The following TGFBRAP1 variants were observed in gnomAD, a reference collection of about 807,000 sequenced individuals.
The protein encoded by TGFBRAP1 is transforming growth factor beta receptor associated protein 1, also known as transforming growth factor-beta receptor-associated protein 1.
In TGFBRAP1, 20 loss-of-function variants were observed where a neutral mutation model predicts 83.2. The ratio of observed to expected loss-of-function variants is 0.24; its 90% CI spans 0.17 to 0.35. The LOEUF (loss-of-function observed/expected upper bound fraction) is 0.35, where lower values mean the gene tolerates loss of function less well. Ranked by LOEUF, TGFBRAP1 falls within the 10% of genes least tolerant of loss-of-function variation. The probability of loss-of-function intolerance (pLI) is 1.00; values close to 1 mark genes in which losing one functional copy is unlikely to be tolerated. For missense variants in TGFBRAP1, 950 were observed against 1,099.4 expected (o/e 0.86, Z 1.92); for synonymous variants, 415 against 459.8 (o/e 0.90, Z 1.25).
At chr2:105,275,758 G>T in intron 7 of TGFBRAP1, 55 bp from the exon 8 acceptor site, 1 of 1,538,004 alleles carries the variant, frequency 6.5e-7, no homozygotes, top group Non-Finnish European at 8.8e-7. Context: ...CAATCATAAA[G>T]GCACATATCT....
chr2:105,252,847 G>A, the TGFBRAP1 span, among the ~76,000 whole-genome samples: 3 of 140,260 alleles, frequency 2.1e-5, no homozygotes, highest in African/African-American at 8.0e-5. Context: ...CCACCTCCCA[G>A]CTTCACGCCA....
intron 1 of TGFBRAP1, among the ~76,000 whole-genome samples, chr2:105,329,019 TGCTAAAAACAGGGGC>T (rs1255724056): frequency 6.6e-6 from 1 of 152,016 alleles, no homozygotes; most frequent in Non-Finnish European, 1.5e-5. Context: ...CTTGACCTGG[TGCTAAAAACAGGGGC>T]CAGGAAGCCC....
Position 105,269,181 on chromosome 2 carries a change from AAACC to A in TGFBRAP1, c.2406+87_2406+90del, listed in dbSNP as rs1677055672. The A allele has an allele frequency of 2.1e-6, 3 of 1,422,006 alleles. No homozygotes were observed. The highest frequency in any genetic ancestry group is 2.8e-6 in the Non-Finnish European group (3 of 1,076,996). 88.1% of individuals were successfully genotyped at this position (1,422,006 alleles called of 1,614,324 possible). A position where few individuals can be genotyped will look rare whatever the true frequency, so the allele number is the denominator to read the frequency against. ...GTAGTCATAGAGACAGAAAAAAGAA[AAACC>A]AACAAAGACTATTTTTCCATCAGTA... On this transcript the variant is annotated intron_variant, in intron 11 of 11. Coordinates refer to ENST00000393359, the MANE Select transcript of TGFBRAP1 (RefSeq NM_004257.6). This position sits in a 1 kb window ranked among gnomAD's most constrained non-coding sequence, Gnocchi z 4.1.
chr2:105,266,103 A>G lies in TGFBRAP1; in HGVS notation c.*1280T>C, dbSNP rs1676922510. ...AGGGCAGTGAAGTGACAACAGCTTC[A>G]GCTCGTCATCGATGTTATACAGAAA... On this transcript the variant is annotated 3_prime_UTR_variant, in exon 12 of 12. Coordinates refer to ENST00000393359, the MANE Select transcript of TGFBRAP1 (RefSeq NM_004257.6). The G allele has an allele frequency of 6.6e-6, 1 of 152,292 alleles. No individual in the cohort carries two copies. Among genetic ancestry groups the G allele is most frequent in the South Asian group, 2.1e-4 (1 of 4,836 alleles). The allele number at this position is 152,292 out of a possible 1,614,324, so 9.4% of individuals were successfully genotyped here.
In TGFBRAP1 at chr2:105,288,921, A is replaced by G. The variant is rs1573182537; in HGVS notation, c.1039-4523T>C. Among the ~76,000 whole-genome samples the G allele has an allele frequency of 2.6e-5, 4 of 152,202 alleles. No individual in the cohort carries two copies. The East Asian group carries it at 5.8e-4, about 22-fold the overall frequency. On this transcript the variant is annotated intron_variant, in intron 4 of 11. Transcript: ENST00000393359. Reference sequence around the variant, plus strand: ...ATATATACCCTCTTGGGGAATCACAATAAGTGTTAGAATATTAGAGGCTCT... The same window carrying G: ...ATATATACCCTCTTGGGGAATCACAGTAAGTGTTAGAATATTAGAGGCTCT...
rs141456509 is a variant in TGFBRAP1, at chr2:105,282,402, C to T, written c.1122-1679G>A. On this transcript the variant is annotated intron_variant, in intron 5 of 11. Transcript: ENST00000393359. ...TAGCTGGTAACTGTGGCCTCCGGCACGGCACTGAGGAGTCAGAGGACGGGT... is the reference window on the plus strand; with the variant it reads ...TAGCTGGTAACTGTGGCCTCCGGCATGGCACTGAGGAGTCAGAGGACGGGT... Among the ~76,000 whole-genome samples, 22 of 152,238 alleles carry T rather than the reference C, an allele frequency of 1.4e-4. No homozygotes were observed. In the East Asian group the frequency reaches 2.5e-3, roughly 17 times the overall value.
intron 2 of TGFBRAP1, among the ~76,000 whole-genome samples, chr2:105,301,174 A>G (rs976582775): frequency 9.9e-5 from 15 of 152,188 alleles, no homozygotes; most frequent in African/African-American, 3.6e-4. Flanking sequence ...GTGAACTGAG[A>G]TTGTGCCACT....
At chr2:105,316,462 T>TGTGTGTGCGCGCGCGCGCGC (rs1177329674) in intron 1 of TGFBRAP1, among the ~76,000 whole-genome samples, 3 of 84,814 alleles carry the variant, frequency 3.5e-5, no homozygotes, top group African/African-American at 1.1e-4. Flanking sequence ...TGTGTGTGTG[T>TGTGTGTGCGCGCGCGCGCGC]GCGCGCGCGC....
At chr2:105,262,960 G>A (rs965360762), downstream of TGFBRAP1, among the ~76,000 whole-genome samples, 4 of 152,184 alleles carry the variant, frequency 2.6e-5, no homozygotes, top group East Asian at 1.9e-4. Context: ...CGTTTCAAAC[G>A]CTAAGGCTGA....
At chr2:105,293,638 T>C (rs569906639) in intron 4 of TGFBRAP1, among the ~76,000 whole-genome samples, 1 of 152,370 alleles carries the variant, frequency 6.6e-6, no homozygotes, top group Admixed American at 6.5e-5. Context: ...CCATATGAGC[T>C]GAATATAATC....
intron 4 of TGFBRAP1, among the ~76,000 whole-genome samples, chr2:105,293,763 A>C (rs1462019821): frequency 6.6e-6 from 1 of 152,220 alleles, no homozygotes; most frequent in Non-Finnish European, 1.5e-5. Flanking sequence ...CCAATCCATT[A>C]TATCACAGCT....
intron 1 of TGFBRAP1, among the ~76,000 whole-genome samples, chr2:105,318,846 G>T (rs1480608465): frequency 2.0e-5 from 3 of 152,202 alleles, no homozygotes; most frequent in Non-Finnish European, 2.9e-5. Flanking sequence ...TGGGGCAGCA[G>T]CTTCTGTGAG....
intron 4 of TGFBRAP1, among the ~76,000 whole-genome samples, chr2:105,286,495 T>C (rs914079821): frequency 3.9e-5 from 6 of 152,200 alleles, no homozygotes; most frequent in Non-Finnish European, 7.3e-5. Context: ...GATGAGTACA[T>C]ACGAAGGACA....
chr2:105,298,135 C>T (rs556521493), intron 3 of TGFBRAP1, among the ~76,000 whole-genome samples: 21 of 152,208 alleles, frequency 1.4e-4, no homozygotes, highest in African/African-American at 4.6e-4. Flanking sequence ...TGAACAGATT[C>T]GCATACACCT....
At chr2:105,319,904 T>TTATA (rs1679005716) in intron 1 of TGFBRAP1, among the ~76,000 whole-genome samples, 1 of 151,234 alleles carries the variant, frequency 6.6e-6, no homozygotes, top group Non-Finnish European at 1.5e-5. Flanking sequence ...TATATATTTG[T>TTATA]TATATACATA....
chr2:105,323,269 C>A (rs558879425), intron 1 of TGFBRAP1, among the ~76,000 whole-genome samples: 1 of 151,854 alleles, frequency 6.6e-6, no homozygotes, highest in African/African-American at 2.4e-5. Context: ...GTAGAGGGGG[C>A]GGGGGGATGT....
At chr2:105,250,797 GCGCGCGCCGCCACGCCTGA>G in the TGFBRAP1 span, among the ~76,000 whole-genome samples, 1 of 151,980 alleles carries the variant, frequency 6.6e-6, no homozygotes, top group Non-Finnish European at 1.5e-5. Context: ...GCGATTGCAG[GCGCGCGCCGCCACGCCTGA>G]CTGGTTTTCG....
At chr2:105,313,565 T>C (rs1343884326) in intron 1 of TGFBRAP1, among the ~76,000 whole-genome samples, 1 of 152,228 alleles carries the variant, frequency 6.6e-6, no homozygotes, top group African/African-American at 2.4e-5. Flanking sequence ...ATATCCTTAC[T>C]TTATTTTATG....
chr2:105,267,032 G>A lies in TGFBRAP1; in HGVS notation c.*351C>T, dbSNP rs564295759. 1 of 205,412 alleles carries A rather than the reference G, an allele frequency of 4.9e-6. No individual in the cohort carries two copies. The highest frequency in any genetic ancestry group is 1.0e-4 in the East Asian group (1 of 9,698). The allele number at this position is 205,412 out of a possible 1,614,324, so 12.7% of individuals were successfully genotyped here. On this transcript the variant is annotated 3_prime_UTR_variant, in exon 12 of 12. Coordinates refer to ENST00000393359, the MANE Select transcript of TGFBRAP1 (RefSeq NM_004257.6). The stretch of plus-strand genomic sequence containing the variant: ...AGGTTGGAGTGTGGGGGTGGTGGGG[G>A]ATCCCCCACCTGGGTCTGGACTGCA...
Sources: allele counts gnomAD v4.1 joint callset (sites outside exome capture counted in the v4.1 genomes callset), GRCh38; gene constraint gnomAD v4.1.1; non-coding constraint Gnocchi (gnomAD v3.1); transcripts MANE v1.5; gene names NCBI Gene and HGNC (gene_info 2026-07-23, HGNC 2026-07-21).